The following ROBO2 variants were observed in gnomAD, a reference collection of about 807,000 sequenced individuals.
ROBO2 encodes roundabout guidance receptor 2.
In ROBO2, 53 loss-of-function variants were observed where a neutral mutation model predicts 160.8. The ratio of observed to expected loss-of-function variants is 0.33; its 90% CI spans 0.26 to 0.41. The LOEUF (loss-of-function observed/expected upper bound fraction) is 0.41. ROBO2 is among the 10% of genes least tolerant of loss of function. ROBO2 has a pLI of 1.00. For synonymous variants in ROBO2, 664 were observed against 611.7 expected (o/e 1.09, Z -1.26); for missense variants, 1,577 against 1,722.4 (o/e 0.92, Z 1.49).
chr3:77,253,709 A>G (rs1480850840), intron 2 of ROBO2, among the ~76,000 whole-genome samples: 2 of 152,184 alleles, frequency 1.3e-5, no homozygotes, highest in Non-Finnish European at 2.9e-5. Context: ...AGGCAATGGC[A>G]TATTCTTGTG....
At chr3:76,355,919 T>A (rs1297361530) in intron 2 of ROBO2, among the ~76,000 whole-genome samples, 4 of 151,718 alleles carry the variant, frequency 2.6e-5, no homozygotes, top group African/African-American at 4.8e-5. Context: ...TTTAGATTGA[T>A]TCACCCCTTA....
At chr3:76,749,552 G>C (rs757136362) in intron 2 of ROBO2, among the ~76,000 whole-genome samples, 10 of 152,058 alleles carry the variant, frequency 6.6e-5, no homozygotes, top group Non-Finnish European at 1.5e-4. Context: ...TATCAAGAAA[G>C]AAGACAGAGG....
intron 2 of ROBO2, among the ~76,000 whole-genome samples, chr3:77,445,159 G>C (rs1017659745): frequency 6.6e-6 from 1 of 152,134 alleles, no homozygotes; most frequent in Non-Finnish European, 1.5e-5. Context: ...AGAAGATGAA[G>C]ACAGGAGAGC....
chr3:77,160,665 T>G (rs983472438), intron 2 of ROBO2, among the ~76,000 whole-genome samples: 8 of 152,196 alleles, frequency 5.3e-5, no homozygotes, highest in Non-Finnish European at 1.0e-4. Context: ...GGACACACCA[T>G]GCAGTTTAGA....
intron 2 of ROBO2, among the ~76,000 whole-genome samples, chr3:76,534,070 A>C (rs912283974): frequency 1.1e-4 from 16 of 152,158 alleles, no homozygotes; most frequent in Non-Finnish European, 1.6e-4. Context: ...TATAAAATAT[A>C]AAGTTATAAG....
intron 1 of ROBO2, among the ~76,000 whole-genome samples, chr3:75,909,354 T>C (rs1946471682): frequency 6.6e-6 from 1 of 152,190 alleles, no homozygotes; most frequent in Non-Finnish European, 1.5e-5. Flanking sequence ...TTTAGGGGTA[T>C]AAGGAGAAGT....
chr3:75,983,033 A>T (rs560216859), intron 2 of ROBO2, among the ~76,000 whole-genome samples: 2 of 151,550 alleles, frequency 1.3e-5, no homozygotes, highest in Non-Finnish European at 3.0e-5. Flanking sequence ...GTAGAAATGC[A>T]GTTGAGTCAA....
At chr3:77,324,837 A>T in intron 2 of ROBO2, among the ~76,000 whole-genome samples, 1 of 151,840 alleles carries the variant, frequency 6.6e-6, no homozygotes, top group African/African-American at 2.4e-5. Context: ...GCAAAAATGA[A>T]TTTTTAAACT....
chr3:76,555,410 A>G (rs1028008666), intron 2 of ROBO2, among the ~76,000 whole-genome samples: 1 of 74,090 alleles, frequency 1.3e-5, no homozygotes, highest in African/African-American at 2.8e-5. Context: ...AAGAAGAAGA[A>G]GAAGAAGAAA....
intron 2 of ROBO2, among the ~76,000 whole-genome samples, chr3:77,420,681 G>GA (rs1466902321): frequency 6.6e-6 from 1 of 152,112 alleles, no homozygotes; most frequent in Admixed American, 6.5e-5. Flanking sequence ...TATTCATATA[G>GA]AAAATGTGTC....
chr3:77,252,807 CAAA>C (rs1182786373), intron 2 of ROBO2, among the ~76,000 whole-genome samples: 10 of 32,002 alleles, frequency 3.1e-4, no homozygotes, highest in African/African-American at 2.9e-4. Flanking sequence ...GACTCCATCT[CAAA>C]AAAAAAAAAA....
Position 76,447,570 on chromosome 3 carries a change from C to T in ROBO2, c.109+509968C>T, listed in dbSNP as rs578074925. 2.6e-4 allele frequency among the ~76,000 whole-genome samples: 39 copies of T among 150,138 alleles called. 2 individuals are homozygous for T. The South Asian group carries it at 5.6e-3, about 22-fold the overall frequency. On this transcript the variant is annotated intron_variant, in intron 2 of 26. Transcript: ENST00000487694. ...TATACCCAAAGGATTATAAATCATG[C>T]TGCTATAAAGACACAGGCACACGTA... is the stretch of plus-strand genomic sequence containing the variant.
chr3:76,529,383 TTAAG>T (rs1397982655), intron 2 of ROBO2, among the ~76,000 whole-genome samples: 1 of 152,100 alleles, frequency 6.6e-6, no homozygotes, highest in Non-Finnish European at 1.5e-5. Flanking sequence ...GCAGCTGTGG[TTAAG>T]TGAGAGGCAA....
At chr3:75,951,057 G>T (rs1948514371) in intron 2 of ROBO2, among the ~76,000 whole-genome samples, 1 of 151,948 alleles carries the variant, frequency 6.6e-6, no homozygotes, top group Non-Finnish European at 1.5e-5. Flanking sequence ...GTTACCAAAA[G>T]CCATAGAAAG....
At chr3:77,583,184 ATTT>A (rs2093964369) in intron 16 of ROBO2, among the ~76,000 whole-genome samples, 1 of 149,940 alleles carries the variant, frequency 6.7e-6, no homozygotes, top group Admixed American at 6.7e-5. Flanking sequence ...AGGAAAAAAC[ATTT>A]TCAGTCCCCT....
Position 77,475,934 on chromosome 3 carries a change from C to A in ROBO2, c.389-1480C>A, listed in dbSNP as rs139576650. Among the ~76,000 whole-genome samples the A allele has an allele frequency of 3.1e-3, 466 of 152,292 alleles. 1 individual carries two copies. The highest frequency in any genetic ancestry group is 0.011 in the African/African-American group (452 of 41,556). On this transcript the variant is annotated intron_variant, in intron 2 of 25. Transcript: ENST00000461745. ...CACAGAGCTAAAATGGAACACATTTCTTTAGCAGTGAAATCAGTAAATTAA... is the reference window on the plus strand; with the variant it reads ...CACAGAGCTAAAATGGAACACATTTATTTAGCAGTGAAATCAGTAAATTAA...
rs60754546 is a variant in ROBO2, at chr3:77,006,305, TTGTGTGTG to T, written c.110-91679_110-91672del. ...AATGTTGATAATAGAATTTTAATAT[TTGTGTGTG>T]TGTGTGTGTGTGTGTGTGTGTGTGT... On this transcript the variant is annotated intron_variant, in intron 2 of 26. Coordinates refer to the ROBO2 transcript ENST00000487694. Among the ~76,000 whole-genome samples the T allele has an allele frequency of 1.9e-3, 277 of 143,964 alleles. 2 individuals carry two copies. The highest frequency in any genetic ancestry group is 0.015 in the East Asian group (73 of 4,868). The allele number at this position is 143,964 out of a possible 152,430, so 94.4% of individuals were successfully genotyped here. A position where few individuals can be genotyped will look rare whatever the true frequency, so the allele number is the denominator to read the frequency against.
In ROBO2 at chr3:77,324,039, T is replaced by C. The variant is rs185171493; in HGVS notation, c.389-153375T>C. Among the ~76,000 whole-genome samples, 42 of 152,256 alleles carry C rather than the reference T, an allele frequency of 2.8e-4. No homozygotes were observed. The East Asian group carries it at 7.7e-3, about 28-fold the overall frequency. ...CAGATGTAAGTATTTCTCTTAACAC[T>C]GGTATATGAAGAGGGTGAGAGGGTC... is the stretch of plus-strand genomic sequence containing the variant. On this transcript the variant is annotated intron_variant, in intron 2 of 25. Transcript: ENST00000461745.
At chr3:76,017,502 T>C (rs999038615) in intron 2 of ROBO2, among the ~76,000 whole-genome samples, 8 of 152,140 alleles carry the variant, frequency 5.3e-5, no homozygotes, top group African/African-American at 1.9e-4. Flanking sequence ...GTTATAGTTA[T>C]AAACTTAGCA....
Sources: gnomAD v4.1 joint callset for allele counts (sites outside exome capture counted in the v4.1 genomes callset) on GRCh38, gnomAD v4.1.1 for gene constraint, MANE v1.5 for transcripts, NCBI Gene and HGNC (gene_info 2026-07-23, HGNC 2026-07-21) for gene names.